The following CBLL1 variants were observed in gnomAD, a reference collection of about 807,000 sequenced individuals.
CBLL1 encodes E3 ubiquitin-protein ligase Hakai.
A neutral mutation model predicts 44.9 loss-of-function variants in CBLL1; 4 were observed. That is an observed-to-expected ratio of 0.09 (90% CI 0.04 to 0.20). CBLL1 has a LOEUF of 0.20. Among genes scored for constraint, CBLL1 ranks in the 10% least tolerant of loss-of-function variants. The probability of loss-of-function intolerance (pLI) is 1.00; values close to 1 mark genes in which losing one functional copy is unlikely to be tolerated. For synonymous variants in CBLL1, 235 were observed against 202.2 expected (o/e 1.16, Z -1.38); for missense variants, 569 against 636.7 (o/e 0.89, Z 1.14).
In CBLL1 at chr7:107,753,906, A is replaced by G. The variant is rs372698436; in HGVS notation, c.294A>G (p.Leu98=). The part of the protein sequence containing the change: ...HLFWDFQINI[L]GEKDDTPVHF... ...TATCATTTCAACAGATAAACATCTT[A>G]GGTGAAAAGGATGATACACCAGTTC... The change falls in exon 4 of 6, where the codon TTA becomes TTG. Residue 98 remains leucine (L), a synonymous_variant. Coordinates refer to ENST00000440859, the MANE Select transcript of CBLL1 (RefSeq NM_024814.4). 1 of 1,582,996 alleles carries G rather than the reference A, an allele frequency of 6.3e-7. No individual in the cohort carries two copies. The highest frequency in any genetic ancestry group is 8.6e-7 in the Non-Finnish European group (1 of 1,161,946).
chr7:107,744,475 G>C (rs1439681952), intron 1 of CBLL1: 1 of 401,852 alleles, frequency 2.5e-6, no homozygotes, highest in Non-Finnish European at 4.4e-6. Context: ...CCCCGGCTCT[G>C]TTTTATTTAG....
At position 107,754,370 on chromosome 7, in the gene CBLL1, C is replaced by T. The variant is rs536579083; in HGVS notation, c.366+392C>T. Among the ~76,000 whole-genome samples, 25 of 151,274 alleles carry T rather than the reference C, an allele frequency of 1.7e-4. No homozygotes were observed. The East Asian group carries it at 3.9e-3, about 23-fold the overall frequency. On this transcript the variant is annotated intron_variant, in intron 4 of 5. Transcript: ENST00000440859. ...TAATATTTATAATTTCTCTTTTTTT[C>T]CTGAGGCTCAGAGAGGCTTAATAGT...
rs1299963173 is a variant in CBLL1 at position 107,758,158 on chromosome 7, G to A, written c.456G>A (p.Val152=). Reference sequence around the variant, plus strand: ...TCTAATTTAGCTGTAGTGATCCTGTGCAGCGAATTGAGCAGTGTACACGAG... The same window carrying A: ...TCTAATTTAGCTGTAGTGATCCTGTACAGCGAATTGAGCAGTGTACACGAG... ...DKMCPGCSDP[V]QRIEQCTRGS... The change falls in exon 6 of 6, where the codon GTG becomes GTA. Residue 152 remains valine (V), a synonymous_variant. Coordinates refer to ENST00000440859, the MANE Select transcript of CBLL1 (RefSeq NM_024814.4). This position sits in a 1 kb window ranked among gnomAD's most constrained non-coding sequence, Gnocchi z 4.2. 1.9e-6 allele frequency: 3 copies of A among 1,602,116 alleles called. No individual in the cohort carries two copies. Among genetic ancestry groups the A allele is most frequent in the Non-Finnish European group, 2.6e-6 (3 of 1,171,120 alleles).
chr7:107,747,162 A>G (rs1374955724), intron 1 of CBLL1, among the ~76,000 whole-genome samples: 2 of 152,238 alleles, frequency 1.3e-5, no homozygotes, highest in Non-Finnish European at 2.9e-5. Flanking sequence ...GAATGTTATC[A>G]TTATTAAATG....
intron 4 of CBLL1, among the ~76,000 whole-genome samples, chr7:107,755,170 T>G (rs1161891992): frequency 6.6e-6 from 1 of 152,018 alleles, no homozygotes; most frequent in Admixed American, 6.6e-5. Context: ...TTTATAGGGT[T>G]TACACCTCCA....
At chr7:107,754,049 G>A in intron 4 of CBLL1, 71 bp downstream of exon 4, 1 of 877,338 alleles carries the variant, frequency 1.1e-6, no homozygotes, top group Non-Finnish European at 1.7e-6. Flanking sequence ...ATTTAGATAG[G>A]TTTATCATTG....
At position 107,749,023 on chromosome 7, in the gene CBLL1, G is replaced by A; in HGVS notation, c.157G>A (p.Ala53Thr). The change falls in exon 2 of 6, where the codon GCA (alanine) becomes ACA (threonine). Residue 53 changes from alanine (A) to threonine (T), a missense_variant. Physicochemically the swap from Ala to Thr is moderately conservative, Grantham distance 58 (BLOSUM62 0). Around this residue, in one of 5 missense-constraint regions of CBLL1, gnomAD observed 209 missense variants for 202.8 expected, o/e 1.03. Coordinates refer to ENST00000440859, the MANE Select transcript of CBLL1 (RefSeq NM_024814.4). Reference sequence around the variant, plus strand: ...TCAAAGAACTATAAACAGGATGCCTGCAAAGGCTCCACCTGGTGATGAAGG... The same window carrying A: ...TCAAAGAACTATAAACAGGATGCCTACAAAGGCTCCACCTGGTGATGAAGG... The part of the protein sequence containing the change: ...RTQRTINRMP[A>T]KAPPGDEEGF... The A allele has an allele frequency of 6.2e-7, 1 of 1,614,024 alleles. No individual in the cohort carries two copies. The highest frequency in any genetic ancestry group is 1.7e-5 in the Admixed American group (1 of 59,988).
At chr7:107,748,468 A>G (rs2115604068) in intron 1 of CBLL1, among the ~76,000 whole-genome samples, 1 of 152,250 alleles carries the variant, frequency 6.6e-6, no homozygotes, top group Admixed American at 6.5e-5. Flanking sequence ...ATGCTTGATG[A>G]TCAGACATGG....
chr7:107,752,314 A>G (rs1028399762), intron 2 of CBLL1, among the ~76,000 whole-genome samples: 1 of 152,154 alleles, frequency 6.6e-6, no homozygotes, highest in African/African-American at 2.4e-5. Flanking sequence ...ACTCAGGTGT[A>G]ACTTATAAGA....
intron 1 of CBLL1, chr7:107,744,699 T>G (rs1271235922): frequency 6.4e-6 from 1 of 155,140 alleles, no homozygotes; most frequent in Non-Finnish European, 1.4e-5. Context: ...TCTGATAGAG[T>G]TTTTGGAATC....
rs562029796 is a variant in CBLL1 at position 107,759,797 on chromosome 7, C to G, written c.*619C>G. ...TATAGTAAGTATACAATGCACTTCA[C>G]TTGGATGCCTTTTCATTTTTAGGCA... On this transcript the variant is annotated 3_prime_UTR_variant, in exon 6 of 6. Coordinates refer to ENST00000440859, the MANE Select transcript of CBLL1 (RefSeq NM_024814.4). The G allele has an allele frequency of 2.9e-4, 44 of 152,398 alleles. No homozygotes were observed. Among genetic ancestry groups the G allele is most frequent in the African/African-American group, 1.0e-3 (42 of 41,560 alleles). 9.4% of individuals were successfully genotyped at this position (152,398 alleles called of 1,614,324 possible).
intron 4 of CBLL1, among the ~76,000 whole-genome samples, chr7:107,755,151 T>C (rs1793471983): frequency 6.6e-6 from 1 of 152,002 alleles, no homozygotes; most frequent in Non-Finnish European, 1.5e-5. Flanking sequence ...GTGGGGACCA[T>C]GGGTGAAATT....
At chr7:107,752,520 T>C (rs1206715760) in intron 2 of CBLL1, 1 of 1,271,740 alleles carries the variant, frequency 7.9e-7, no homozygotes, top group Non-Finnish European at 1.0e-6. Flanking sequence ...TTAAAACTTG[T>C]GTGCTTGGCT....
chr7:107,758,322 C>G lies in CBLL1; in HGVS notation c.620C>G (p.Pro207Arg), dbSNP rs754784126. The part of the protein sequence containing the change: ...VTRASLENVH[P>R]PIAPPPTEIP... Reference sequence around the variant, plus strand: ...CGTGCTTCACTTGAAAATGTTCATCCTCCTATTGCCCCACCACCAACTGAA... The same window carrying G: ...CGTGCTTCACTTGAAAATGTTCATCGTCCTATTGCCCCACCACCAACTGAA... Residue 207 changes from proline (P) to arginine (R), a missense_variant, in exon 6 of 6, where the codon CCT (proline) becomes CGT (arginine). Transcript: ENST00000440859. The surrounding 1 kb of genome is among the most constrained non-coding windows in gnomAD (Gnocchi z 4.2). 6.2e-7 allele frequency: 1 copy of G among 1,614,102 alleles called. No homozygotes were observed. Among genetic ancestry groups the G allele is most frequent in the East Asian group, 2.2e-5 (1 of 44,878 alleles).
At chr7:107,752,458 G>GTA in intron 2 of CBLL1, 1 of 517,502 alleles carries the variant, frequency 1.9e-6, no homozygotes, top group Middle Eastern at 3.2e-4. Context: ...GTGTGTGTGT[G>GTA]TGTGTGTCTG....
rs1183052552 is a variant in CBLL1 at position 107,758,350 on chromosome 7, C to A, written c.648C>A (p.Ile216=). The A allele has an allele frequency of 6.2e-7, 1 of 1,614,112 alleles. No homozygotes were observed. ...CTATTGCCCCACCACCAACTGAAAT[C>A]CCTGAGCGTTTTATAATGCCACCAG... The part of the protein sequence containing the change: ...HPPIAPPPTE[I]PERFIMPPDK... Residue 216 remains isoleucine, a synonymous_variant, in exon 6 of 6, where the codon ATC becomes ATA. Coordinates refer to ENST00000440859, the MANE Select transcript of CBLL1 (RefSeq NM_024814.4). This position sits in a 1 kb window ranked among gnomAD's most constrained non-coding sequence, Gnocchi z 4.2.
chr7:107,744,291 G>A lies in CBLL1; in HGVS notation c.13+115G>A, dbSNP rs376916442. On this transcript the variant is annotated intron_variant, in intron 1 of 5. Coordinates refer to ENST00000440859, the MANE Select transcript of CBLL1 (RefSeq NM_024814.4). ...CGCCCCACAACACTAGGGTGTGGCA[G>A]TGAGAAGAAATCTCACAGATGCCTT... is the stretch of plus-strand genomic sequence containing the variant. 4.3e-5 allele frequency: 54 copies of A among 1,254,428 alleles called. No homozygotes were observed. In the East Asian group the frequency reaches 7.9e-4, roughly 18 times the overall value. 77.7% of individuals were successfully genotyped at this position (1,254,428 alleles called of 1,614,324 possible).
intron 2 of CBLL1, among the ~76,000 whole-genome samples, chr7:107,750,949 G>C (rs1420910918): frequency 6.7e-6 from 1 of 149,940 alleles, no homozygotes; most frequent in African/African-American, 2.5e-5. Context: ...GAACATTTAT[G>C]GTTATTAAGG....
intron 5 of CBLL1, among the ~76,000 whole-genome samples, chr7:107,756,378 T>C (rs1034098282): frequency 5.3e-5 from 8 of 152,208 alleles, no homozygotes; most frequent in African/African-American, 1.9e-4. Flanking sequence ...TATTAACAGC[T>C]CAGTGACAAC....
Sources: allele counts gnomAD v4.1 joint callset (sites outside exome capture counted in the v4.1 genomes callset), GRCh38; gene constraint gnomAD v4.1.1; regional missense constraint gnomAD v4.1.1; non-coding constraint Gnocchi (gnomAD v3.1); transcripts MANE v1.5; gene names NCBI Gene and HGNC (gene_info 2026-07-23, HGNC 2026-07-21).